CALD1: variants seen among roughly 807,000 people sequenced by gnomAD.
CALD1 encodes the protein caldesmon.
A neutral mutation model predicts 99.9 loss-of-function variants in CALD1; 33 were observed. The observed-to-expected ratio is 0.33, with a 90% CI of 0.25 to 0.44. The LOEUF is 0.44. CALD1 is among the 20% of genes least tolerant of loss of function. The pLI is 1.00. For missense variants in CALD1, 861 were observed against 962.1 expected (o/e 0.89, Z 1.39); for synonymous variants, 310 against 325.0 (o/e 0.95, Z 0.50).
intron 3 of CALD1, among the ~76,000 whole-genome samples, chr7:134,883,299 A>C (rs1277268880): frequency 2.0e-5 from 3 of 152,202 alleles, no homozygotes; most frequent in Admixed American, 2.0e-4. Flanking sequence ...TATTTTAGAA[A>C]GCTGGATTCA....
chr7:134,782,399 C>T (rs1797141359), intron 1 of CALD1, among the ~76,000 whole-genome samples: 1 of 152,208 alleles, frequency 6.6e-6, no homozygotes, highest in Admixed American at 6.5e-5. Context: ...ATACCATTAG[C>T]TCCTTACTGA....
intron 2 of CALD1, among the ~76,000 whole-genome samples, chr7:134,858,392 G>A (rs986077768): frequency 2.0e-5 from 3 of 151,934 alleles, no homozygotes; most frequent in Non-Finnish European, 2.9e-5. Context: ...ACCAATGAGG[G>A]AATTATGAGA....
the CALD1 span, among the ~76,000 whole-genome samples, chr7:134,729,864 C>CTT: frequency 2.8e-3 from 422 of 152,260 alleles, 3 homozygotes; most frequent in African/African-American, 9.5e-3. Flanking sequence ...AAAGCCCCTG[C>CTT]TTTTCTCAGA....
intron 13 of CALD1, chr7:134,962,036 TAGTA>T (rs1200624256): frequency 5.9e-5 from 9 of 152,062 alleles, no homozygotes; most frequent in African/African-American, 1.9e-4. Context: ...ACTCTCAAGA[TAGTA>T]AGTAAGGAGA....
chr7:134,933,445 A>G lies in CALD1; in HGVS notation c.676A>G (p.Met226Val). The G allele has an allele frequency of 1.9e-6, 3 of 1,613,966 alleles. No homozygotes were observed. Among genetic ancestry groups the G allele is most frequent in the Non-Finnish European group, 1.7e-6 (2 of 1,179,964 alleles). The change falls in exon 5 of 15, where the codon ATG (methionine) becomes GTG (valine). Residue 226 changes from methionine to valine, a missense_variant. Coordinates refer to ENST00000361675, the MANE Select transcript of CALD1 (RefSeq NM_033138.4). Reference protein sequence around the residue: ...TTESQEETVVMSLKNGQISSE... With the variant: ...TTESQEETVVVSLKNGQISSE... ...TGAAAGCCAGGAGGAAACAGTGGTA[A>G]TGTCATTAAAAAATGGGCAGATCAG...
chr7:134,955,908 G>A (rs1807730423), intron 9 of CALD1, among the ~76,000 whole-genome samples: 1 of 152,092 alleles, frequency 6.6e-6, no homozygotes, highest in Non-Finnish European at 1.5e-5. Flanking sequence ...ATGGATAGAT[G>A]GATGGATGGA....
chr7:134,750,144 C>T (rs1235391417), intron 1 of CALD1, among the ~76,000 whole-genome samples: 1 of 151,106 alleles, frequency 6.6e-6, no homozygotes, highest in Non-Finnish European at 1.5e-5. Context: ...ACAAACCCTG[C>T]AAACTAGATT....
At chr7:134,965,753 G>A (rs573904643) in intron 14 of CALD1, among the ~76,000 whole-genome samples, 28 of 151,404 alleles carry the variant, frequency 1.8e-4, no homozygotes, top group African/African-American at 6.5e-4. Context: ...CTGTCTCCCT[G>A]AGTGTTTCCA....
the CALD1 span, among the ~76,000 whole-genome samples, chr7:134,712,493 A>T: frequency 1.3e-5 from 2 of 152,316 alleles, no homozygotes; most frequent in Admixed American, 6.5e-5. Context: ...GTCACCCACA[A>T]AGCAGCCACA....
At chr7:134,788,547 T>C (rs796069311) in intron 1 of CALD1, among the ~76,000 whole-genome samples, 10 of 152,380 alleles carry the variant, frequency 6.6e-5, no homozygotes, top group African/African-American at 2.4e-4. Context: ...ATTCATAATG[T>C]ATGCTTATGA....
At chr7:134,914,311 C>T (rs1286704733) in intron 3 of CALD1, among the ~76,000 whole-genome samples, 1 of 152,190 alleles carries the variant, frequency 6.6e-6, no homozygotes, top group Non-Finnish European at 1.5e-5. Flanking sequence ...CATGGTGCTG[C>T]TGTTCTAAAT....
chr7:134,928,131 C>A, intron 3 of CALD1: 1 of 295,990 alleles, frequency 3.4e-6, no homozygotes, highest in Non-Finnish European at 7.0e-6. Context: ...CTTTGGGTCC[C>A]TTCTTCTAAA....
At chr7:134,864,996 C>G (rs917439200) in intron 2 of CALD1, among the ~76,000 whole-genome samples, 6 of 152,134 alleles carry the variant, frequency 3.9e-5, no homozygotes, top group Non-Finnish European at 8.8e-5. Context: ...TCACACTACT[C>G]TATTTGTGAC....
intron 1 of CALD1, among the ~76,000 whole-genome samples, chr7:134,794,415 T>C (rs1797668160): frequency 6.6e-6 from 1 of 152,210 alleles, no homozygotes; most frequent in Admixed American, 6.5e-5. Context: ...TGTTATGACT[T>C]CAGTAATCTG....
At chr7:134,873,560 G>T (rs944287880) in intron 3 of CALD1, among the ~76,000 whole-genome samples, 4 of 152,196 alleles carry the variant, frequency 2.6e-5, no homozygotes, top group Non-Finnish European at 5.9e-5. Flanking sequence ...GACCGCCGCC[G>T]GCCCCAGAAT....
chr7:134,724,480 G>T, the CALD1 span, among the ~76,000 whole-genome samples: 17 of 152,154 alleles, frequency 1.1e-4, no homozygotes, highest in African/African-American at 3.6e-4. Flanking sequence ...TGTGACCTTG[G>T]ACAAAGAAAG....
intron 3 of CALD1, among the ~76,000 whole-genome samples, chr7:134,892,426 G>A (rs879538879): frequency 3.9e-5 from 6 of 152,196 alleles, no homozygotes; most frequent in Admixed American, 3.9e-4. Context: ...ACTGGGTCTT[G>A]GGAAAAGGTA....
intron 3 of CALD1, among the ~76,000 whole-genome samples, chr7:134,883,346 G>T (rs892434604): frequency 6.6e-6 from 1 of 152,220 alleles, no homozygotes; most frequent in Admixed American, 6.5e-5. Context: ...TGAAGTGACT[G>T]TCGGCTATTT....
the CALD1 span, among the ~76,000 whole-genome samples, chr7:134,719,329 A>G: frequency 1.3e-5 from 2 of 152,354 alleles, no homozygotes; most frequent in Admixed American, 6.5e-5. Context: ...ATATGTCCAA[A>G]TAACTTTACA....
Sources: gnomAD v4.1 joint callset for allele counts (sites outside exome capture counted in the v4.1 genomes callset) on GRCh38, gnomAD v4.1.1 for gene constraint, MANE v1.5 for transcripts, NCBI Gene and HGNC (gene_info 2026-07-23, HGNC 2026-07-21) for gene names.